OTOGL: variants seen among roughly 807,000 people sequenced by gnomAD.
OTOGL encodes otogelin-like protein.
OTOGL carries 285 observed loss-of-function variants against 318.5 expected under a neutral mutation model. The observed-to-expected ratio is 0.89, with a 90% CI of 0.81 to 0.99. The LOEUF (loss-of-function observed/expected upper bound fraction) is 0.99, where lower values mean the gene tolerates loss of function less well. OTOGL is among the 50% of genes least tolerant of loss of function. The pLI, the probability that OTOGL is intolerant of heterozygous loss-of-function variation, is 0.00. For missense variants in OTOGL, 2,899 were observed against 2,845.6 expected (o/e 1.02, Z -0.43); for synonymous variants, 987 against 936.5 (o/e 1.05, Z -0.99).
At chr12:80,352,989 G>A (rs954152104) in intron 45 of OTOGL, among the ~76,000 whole-genome samples, 2 of 152,262 alleles carry the variant, frequency 1.3e-5, no homozygotes, top group East Asian at 3.9e-4. Flanking sequence ...TGAGTAGACT[G>A]TTATCATAAT....
At chr12:80,130,157 A>AT (rs1207420080) in intron 1 of OTOGL, among the ~76,000 whole-genome samples, 3 of 151,858 alleles carry the variant, frequency 2.0e-5, no homozygotes, top group Non-Finnish European at 4.4e-5. Flanking sequence ...ACTACTGCCA[A>AT]TTTTTTCCCC....
chr12:80,367,886 A>G (rs1890649050), intron 54 of OTOGL, 147 bp downstream of exon 54: 1 of 628,652 alleles, frequency 1.6e-6, no homozygotes, highest in Non-Finnish European at 2.4e-6. Context: ...ATATATCAAT[A>G]AAACACAGAC....
At chr12:80,112,504 T>C (rs1346373669) in intron 1 of OTOGL, among the ~76,000 whole-genome samples, 7 of 152,190 alleles carry the variant, frequency 4.6e-5, no homozygotes, top group African/African-American at 9.7e-5. Flanking sequence ...GAGATAATCA[T>C]GTGGTTTTTA....
chr12:80,322,749 A>C (rs1283574118), intron 34 of OTOGL, among the ~76,000 whole-genome samples: 1 of 152,140 alleles, frequency 6.6e-6, no homozygotes, highest in East Asian at 1.9e-4. Context: ...AGGTTTTAGA[A>C]CTGTATGCAT....
At chr12:80,328,560 C>A in intron 35 of OTOGL, 105 bp from the exon 36 acceptor site, 1 of 849,124 alleles carries the variant, frequency 1.2e-6, no homozygotes, top group Non-Finnish European at 1.9e-6. Flanking sequence ...TATATAGAAG[C>A]ATTTTAGGAA....
At chr12:80,104,006 A>T (rs1489737585) in intron 1 of OTOGL, among the ~76,000 whole-genome samples, 2 of 152,206 alleles carry the variant, frequency 1.3e-5, no homozygotes, top group Non-Finnish European at 2.9e-5. Flanking sequence ...CTGTTGACTT[A>T]ATCCCAACAC....
intron 30 of OTOGL, among the ~76,000 whole-genome samples, chr12:80,312,874 C>G (rs571609573): frequency 4.6e-5 from 7 of 151,920 alleles, no homozygotes; most frequent in Non-Finnish European, 8.8e-5. Flanking sequence ...TGCAGTGGTG[C>G]GATCTCAGCT....
chr12:80,133,415 T>G lies in OTOGL; in HGVS notation c.-20+33810T>G, dbSNP rs1191889611. 2.0e-5 allele frequency: 3 copies of G among 152,234 alleles called. No individual in the cohort carries two copies. In the East Asian group the frequency reaches 5.8e-4, roughly 29 times the overall value. 9.4% of individuals were successfully genotyped at this position (152,234 alleles called of 1,614,324 possible). Reference sequence around the variant, plus strand: ...AATTAATGGAGCTGCACAGAAACTCTGATCACCTGCACTTGGTCTCTCTAC... The same window carrying G: ...AATTAATGGAGCTGCACAGAAACTCGGATCACCTGCACTTGGTCTCTCTAC... On this transcript the variant is annotated intron_variant, in intron 1 of 58. Coordinates refer to ENST00000547103, the MANE Select transcript of OTOGL (RefSeq NM_001378609.3).
At chr12:80,125,077 G>A (rs1870736626) in intron 1 of OTOGL, among the ~76,000 whole-genome samples, 1 of 152,154 alleles carries the variant, frequency 6.6e-6, no homozygotes, top group African/African-American at 2.4e-5. Flanking sequence ...ATAGTATATT[G>A]AATAGGAGTG....
intron 26 of OTOGL, among the ~76,000 whole-genome samples, chr12:80,295,480 G>A (rs1366270172): frequency 1.3e-5 from 2 of 152,126 alleles, no homozygotes; most frequent in Non-Finnish European, 2.9e-5. Flanking sequence ...TCTGGCCTAT[G>A]ATTGCCAAAC....
At chr12:80,354,125 C>T (rs1475258968) in intron 46 of OTOGL, among the ~76,000 whole-genome samples, 1 of 152,170 alleles carries the variant, frequency 6.6e-6, no homozygotes, top group Non-Finnish European at 1.5e-5. Flanking sequence ...TAGATAATGC[C>T]TTCTCAAGGT....
chr12:80,192,872 T>G (rs949181375), intron 1 of OTOGL, among the ~76,000 whole-genome samples: 1 of 152,192 alleles, frequency 6.6e-6, no homozygotes, highest in Admixed American at 6.5e-5. Context: ...GTATATAGTA[T>G]GTACCCAAAT....
At chr12:80,226,261 T>A (rs933147987) in intron 7 of OTOGL, among the ~76,000 whole-genome samples, 31 of 151,596 alleles carry the variant, frequency 2.0e-4, no homozygotes, top group Admixed American at 6.6e-5. Flanking sequence ...TGTCACCATT[T>A]TTGGTTAAAT....
intron 29 of OTOGL, among the ~76,000 whole-genome samples, chr12:80,308,459 A>C (rs1328083160): frequency 2.0e-5 from 3 of 148,430 alleles, no homozygotes; most frequent in African/African-American, 5.0e-5. Flanking sequence ...GGCGGCCGGG[A>C]AGAGACGCTC....
At chr12:80,258,116 G>C (rs1183915352) in intron 18 of OTOGL, 114 bp downstream of exon 18, 1 of 890,704 alleles carries the variant, frequency 1.1e-6, no homozygotes, top group Non-Finnish European at 1.6e-6. Flanking sequence ...TATCCCAAGA[G>C]ATTTACATGG....
rs532975259 is a variant in OTOGL at position 80,142,719 on chromosome 12, G to C, written c.-20+43114G>C. ...CCTTCTGTCTATCCCCACTGCTTTG[G>C]TTGCATTAGATAGTCTTAGGAAAAG... On this transcript the variant is annotated intron_variant, in intron 1 of 58. Transcript: ENST00000547103. 6.6e-3 allele frequency among the ~76,000 whole-genome samples: 1,004 copies of C among 152,136 alleles called. 15 individuals are homozygous for C. The highest frequency in any genetic ancestry group is 0.021 in the African/African-American group (890 of 41,500).
intron 1 of OTOGL, among the ~76,000 whole-genome samples, chr12:80,168,299 C>T (rs939739204): frequency 6.6e-6 from 1 of 152,042 alleles, no homozygotes; most frequent in Non-Finnish European, 1.5e-5. Flanking sequence ...TCAACTCATC[C>T]TAATGTTTTT....
intron 8 of OTOGL, among the ~76,000 whole-genome samples, chr12:80,230,272 A>G (rs1002335338): frequency 1.3e-5 from 2 of 152,156 alleles, no homozygotes; most frequent in African/African-American, 4.8e-5. Context: ...CAGTGGAAAG[A>G]GCACCAGGGG....
chr12:80,223,320 ACTCATTG>A (rs1878534497), intron 7 of OTOGL, among the ~76,000 whole-genome samples: 1 of 151,142 alleles, frequency 6.6e-6, no homozygotes, highest in Non-Finnish European at 1.5e-5. Flanking sequence ...TTCTTTATCC[ACTCATTG>A]ATTGATGGGC....
Sources: allele counts gnomAD v4.1 joint callset (sites outside exome capture counted in the v4.1 genomes callset), GRCh38; gene constraint gnomAD v4.1.1; transcripts MANE v1.5; gene names NCBI Gene and HGNC (gene_info 2026-07-23, HGNC 2026-07-21).